The following USH2A variants were observed in gnomAD, a reference collection of about 807,000 sequenced individuals.
USH2A encodes the protein usherin.
USH2A carries 443 observed loss-of-function variants against 538.9 expected under a neutral mutation model. The observed-to-expected ratio is 0.82, with a 90% confidence interval of 0.76 to 0.89. The LOEUF (loss-of-function observed/expected upper bound fraction) is 0.89. Ranked by LOEUF, USH2A falls within the 40% of genes least tolerant of loss-of-function variation. The pLI is 0.00. For missense variants in USH2A, 6,633 were observed against 6,324.8 expected (o/e 1.05, Z -1.65); for synonymous variants, 2,413 against 2,273.5 (o/e 1.06, Z -1.75).
chr1:216,325,375 A>C lies in USH2A; in HGVS notation c.1073T>G (p.Val358Gly). ...NDVGTSWVSN[V>G]FTNITQLNQG... ...ATTAAGCTGTGTAATGTTTGTAAAC[A>C]CATTTGAAACCCATGAAGTACCAAC... Residue 358 changes from valine to glycine, a missense_variant, in exon 6 of 72, where the codon GTG (valine) becomes GGG (glycine). Transcript: ENST00000307340. 6.2e-7 allele frequency: 1 copy of C among 1,613,936 alleles called. No homozygotes were observed. The highest frequency in any genetic ancestry group is 8.5e-7 in the Non-Finnish European group (1 of 1,179,898).
intron 26 of USH2A, among the ~76,000 whole-genome samples, chr1:216,079,486 T>A (rs1012744930): frequency 6.6e-6 from 1 of 152,160 alleles, no homozygotes; most frequent in Non-Finnish European, 1.5e-5. Context: ...GGGGGACTAA[T>A]ATGCATGACA....
chr1:215,855,130 C>A (rs995939007), intron 44 of USH2A, among the ~76,000 whole-genome samples: 5 of 152,210 alleles, frequency 3.3e-5, no homozygotes, highest in Middle Eastern at 3.4e-3. Flanking sequence ...CTAGCCAAAG[C>A]AATCAGACAA....
Position 215,863,671 on chromosome 1 carries a change from A to G in USH2A, c.8845+3336T>C, listed in dbSNP as rs140125518. On this transcript the variant is annotated intron_variant, in intron 44 of 71. Transcript: ENST00000307340. ...AGAAAGAGAGAGAGAGAGAGAGGGT[A>G]GAAGAAGAGAAATAGACAAATGGCC... 3.4e-4 allele frequency among the ~76,000 whole-genome samples: 51 copies of G among 152,144 alleles called. No individual in the cohort carries two copies. The East Asian group carries it at 8.9e-3, about 27-fold the overall frequency.
intron 21 of USH2A, among the ~76,000 whole-genome samples, chr1:216,168,013 A>G (rs1208837196): frequency 6.6e-6 from 1 of 152,162 alleles, no homozygotes; most frequent in African/African-American, 2.4e-5. Flanking sequence ...ATACACTTCA[A>G]GAGTGCTGTA....
chr1:215,978,598 G>A (rs1408960), intron 35 of USH2A, among the ~76,000 whole-genome samples: 33,975 of 152,090 alleles, frequency 0.22, 4,254 homozygotes, highest in Non-Finnish European at 0.29. Flanking sequence ...TTAAACATAG[G>A]TATAATTAAA....
At chr1:216,133,479 G>A (rs1370060794) in intron 21 of USH2A, among the ~76,000 whole-genome samples, 1 of 152,102 alleles carries the variant, frequency 6.6e-6, no homozygotes, top group Non-Finnish European at 1.5e-5. Context: ...AAATAGAGAA[G>A]CTGCACTAAG....
At chr1:216,400,677 C>T (rs1305631170) in intron 3 of USH2A, among the ~76,000 whole-genome samples, 1 of 152,190 alleles carries the variant, frequency 6.6e-6, no homozygotes, top group Admixed American at 6.5e-5. Context: ...AAAGAGAAAA[C>T]CTTGAAAGCA....
chr1:215,926,121 C>T (rs1558165034), intron 38 of USH2A, among the ~76,000 whole-genome samples: 4 of 148,936 alleles, frequency 2.7e-5, no homozygotes. Context: ...TTTGTTTTTG[C>T]AATTCTTATT....
chr1:216,019,624 A>G (rs1668799593), intron 32 of USH2A, among the ~76,000 whole-genome samples: 1 of 152,180 alleles, frequency 6.6e-6, no homozygotes, highest in Non-Finnish European at 1.5e-5. Flanking sequence ...ATTTAATAAA[A>G]ACAACTTGGC....
chr1:215,837,584 C>A (rs187289502), intron 47 of USH2A, among the ~76,000 whole-genome samples: 1 of 152,130 alleles, frequency 6.6e-6, no homozygotes, highest in Non-Finnish European at 1.5e-5. Context: ...ATCTGCCCTA[C>A]TAATTTTACA....
intron 9 of USH2A, among the ~76,000 whole-genome samples, chr1:216,315,792 T>TA (rs1288463524): frequency 6.6e-6 from 1 of 152,162 alleles, no homozygotes; most frequent in Non-Finnish European, 1.5e-5. Context: ...CAAATGAAAT[T>TA]AAACATTTAT....
chr1:216,365,603 C>T, intron 3 of USH2A, among the ~76,000 whole-genome samples: 1 of 152,026 alleles, frequency 6.6e-6, no homozygotes, highest in East Asian at 1.9e-4. Flanking sequence ...TGTAGGGTAA[C>T]AAAAAGTTGC....
At chr1:216,181,347 G>C (rs763905096) in intron 20 of USH2A, among the ~76,000 whole-genome samples, 1 of 152,022 alleles carries the variant, frequency 6.6e-6, no homozygotes, top group Non-Finnish European at 1.5e-5. Flanking sequence ...GCCACGAATG[G>C]GTACCAGACA....
At position 216,039,781 on chromosome 1, in the gene USH2A, C is replaced by A. The variant is rs560807000; in HGVS notation, c.6325+6650G>T. On this transcript the variant is annotated intron_variant, in intron 32 of 71. Transcript: ENST00000307340. ...AAATGTGTTTTTATTGTGCCATAAG[C>A]AATACAGCTTCTTCGTCAATAAATT... Among the ~76,000 whole-genome samples, 37 of 151,740 alleles carry A rather than the reference C, an allele frequency of 2.4e-4. 1 individual carries two copies. Among genetic ancestry groups the A allele is most frequent in the Non-Finnish European group, 4.1e-4 (28 of 67,876 alleles).
intron 61 of USH2A, among the ~76,000 whole-genome samples, chr1:215,683,947 A>C (rs575404788): frequency 7.1e-6 from 1 of 141,394 alleles, no homozygotes; most frequent in East Asian, 2.2e-4. Flanking sequence ...CCACGTCCAT[A>C]TTGTACGTAA....
At chr1:215,690,142 C>G (rs1014385831) in intron 61 of USH2A, among the ~76,000 whole-genome samples, 23 of 152,188 alleles carry the variant, frequency 1.5e-4, no homozygotes, top group Admixed American at 3.9e-4. Context: ...CTCCTCTACT[C>G]CAATCTGACT....
intron 13 of USH2A, among the ~76,000 whole-genome samples, chr1:216,246,223 T>G (rs1052887888): frequency 6.6e-6 from 1 of 152,182 alleles, no homozygotes. Flanking sequence ...TATTTGGCAT[T>G]GTATGGATAT....
Position 216,046,457 on chromosome 1 carries a change from C to A in USH2A, c.6299G>T (p.Gly2100Val), listed in dbSNP as rs762810038. 2 of 1,613,410 alleles carry A rather than the reference C, an allele frequency of 1.2e-6. No individual in the cohort carries two copies. The highest frequency in any genetic ancestry group is 1.7e-6 in the Non-Finnish European group (2 of 1,179,578). The change falls in exon 32 of 72, where the codon GGC becomes GTC. Residue 2100 changes from glycine (G) to valine (V), a missense_variant. Physicochemically the swap from Gly to Val is moderately radical, Grantham distance 109. Transcript: ENST00000307340. The part of the protein sequence containing the change: ...LYMDGRLIYS[G>V]SEENYIVTDL... The stretch of plus-strand genomic sequence containing the variant: ...TGTGACTATGTAGTTCTCCTCACTG[C>A]CTGAATAGATCAGCCTCCCATCCAT...
intron 11 of USH2A, among the ~76,000 whole-genome samples, chr1:216,284,177 A>T (rs1474221559): frequency 1.3e-5 from 2 of 152,052 alleles, no homozygotes. Context: ...TCTGTTTCCA[A>T]AGAAATCTGA....
Sources: gnomAD v4.1 joint callset for allele counts (sites outside exome capture counted in the v4.1 genomes callset) on GRCh38, gnomAD v4.1.1 for gene constraint, MANE v1.5 for transcripts, NCBI Gene and HGNC (gene_info 2026-07-23, HGNC 2026-07-21) for gene names.